Variants in SZT2 observed in about 807,000 individuals in gnomAD.
The protein encoded by SZT2 is KICSTOR complex protein SZT2.
In SZT2, 216 loss-of-function variants were observed where a neutral mutation model predicts 404.2. The ratio of observed to expected loss-of-function variants is 0.53; its 90% confidence interval spans 0.48 to 0.60. The LOEUF is 0.60. Among genes scored for constraint, SZT2 ranks in the 20% least tolerant of loss-of-function variants. The pLI is 0.00. For synonymous variants in SZT2, 1,693 were observed against 1,749.9 expected, an observed-to-expected ratio of 0.97 and a Z score of 0.81; for missense variants, 3,857 against 4,459.2, an observed-to-expected ratio of 0.86 and a Z score of 3.85.
At chr1:43,436,836 T>TA in intron 42 of SZT2, 1 of 327,102 alleles carries the variant, frequency 3.1e-6, no homozygotes, top group East Asian at 6.1e-5. Flanking sequence ...GACATAGTGT[T>TA]AGAGTGCTAC....
At chr1:43,429,497 A>T in intron 28 of SZT2, 1 of 586,678 alleles carries the variant, frequency 1.7e-6, no homozygotes. Flanking sequence ...CCCAAAAAAA[A>T]GGAAAGAAAA....
rs1648813579 is a variant in SZT2, at chr1:43,394,895, A to G, written c.27+4900A>G. Among the ~76,000 whole-genome samples, 3 of 151,862 alleles carry G rather than the reference A, an allele frequency of 2.0e-5. No homozygotes were observed. In the South Asian group the frequency reaches 6.2e-4, roughly 32 times the overall value. On this transcript the variant is annotated intron_variant, in intron 1 of 71. Coordinates refer to ENST00000634258, the MANE Select transcript of SZT2 (RefSeq NM_001365999.1). ...ACTCCATCTCAAAAAAAAAAAAAAG[A>G]AAAGAAAAAGAAAATATAGTTGTTG...
intron 6 of SZT2, 39 bp downstream of exon 6, chr1:43,416,140 G>T (rs1395571873): frequency 1.3e-6 from 2 of 1,589,662 alleles, no homozygotes; most frequent in African/African-American, 2.7e-5. Flanking sequence ...GGGAAGCAGG[G>T]ATACAGGAAG....
intron 37 of SZT2, 22 bp downstream of exon 37, chr1:43,432,461 A>AG: frequency 5.3e-6 from 8 of 1,501,454 alleles, no homozygotes; most frequent in Non-Finnish European, 7.2e-6. Context: ...CTGGGAATGG[A>AG]GGGGGGTGGT....
At position 43,452,664 on chromosome 1, in the gene SZT2, G is replaced by A. The variant is rs1175480551; in HGVS notation, c.*2184G>A. 6.6e-6 allele frequency: 4 copies of A among 601,632 alleles called. No homozygotes were observed. The highest frequency in any genetic ancestry group is 4.4e-4 in the Middle Eastern group (1 of 2,292). The allele number at this position is 601,632 out of a possible 1,614,324, so 37.3% of individuals were successfully genotyped here. A position where few individuals can be genotyped will look rare whatever the true frequency, so the allele number is the denominator to read the frequency against. On this transcript the variant is annotated 3_prime_UTR_variant, in exon 72 of 72. Transcript: ENST00000634258. ...CCCTTCTCAGGTATTCCATGCTGCT[G>A]TCTCTACTTCCTCTCCTCGCATCTA...
In SZT2 at chr1:43,416,671, A is replaced by T. The variant is rs770464311; in HGVS notation, c.879+30A>T. 3.9e-6 allele frequency: 6 copies of T among 1,535,910 alleles called. No homozygotes were observed. In the East Asian group the frequency reaches 1.4e-4, roughly 35 times the overall value. On this transcript the variant is annotated intron_variant, in intron 7 of 71. Transcript: ENST00000634258. ...GGACTTTTTAGGAAGGACGAGAGAG[A>T]TATGGAATATCTCACACAAAGTTGG...
rs1472680120 is a variant in SZT2 at position 43,450,174 on chromosome 1, A to G, written c.10155+3A>G. On this transcript the variant is annotated splice_donor_region_variant and intron_variant, in intron 71 of 71. Transcript: ENST00000634258. This position sits in a 1 kb window ranked among gnomAD's most constrained non-coding sequence, Gnocchi z 4.3. ...TGGACTCCCACTTAGGAAAGACGGTAAGAACGAGTGGGGGGCTTTGTGTCA... is the reference window on the plus strand; with the variant it reads ...TGGACTCCCACTTAGGAAAGACGGTGAGAACGAGTGGGGGGCTTTGTGTCA... The G allele has an allele frequency of 2.5e-6, 4 of 1,613,984 alleles. No homozygotes were observed. The highest frequency in any genetic ancestry group is 1.3e-5 in the African/African-American group (1 of 74,900).
chr1:43,425,620 C>A lies in SZT2; in HGVS notation c.2792C>A (p.Thr931Lys). ...PGIWKHLQDLTYSEIPQALHP... is the reference protein window; with the variant it reads ...PGIWKHLQDLKYSEIPQALHP... The stretch of plus-strand genomic sequence containing the variant: ...ATCTGGAAGCACCTCCAGGACCTGA[C>A]GTATTCTGAGATCCCGCAAGCTGTG... Residue 931 changes from threonine (T) to lysine (K), a missense_variant, in exon 19 of 72, where the codon ACG (threonine) becomes AAG (lysine). Physicochemically the swap from Thr to Lys is moderately conservative, Grantham distance 78. Transcript: ENST00000634258. This position sits in a 1 kb window ranked among gnomAD's most constrained non-coding sequence, Gnocchi z 4.3. The A allele has an allele frequency of 6.2e-7, 1 of 1,614,088 alleles. No homozygotes were observed.
intron 13 of SZT2, 23 bp downstream of exon 13, chr1:43,422,655 A>ACCCCTC: frequency 9.1e-7 from 1 of 1,095,024 alleles, no homozygotes; most frequent in Non-Finnish European, 1.2e-6. Context: ...ATGTCCCTTC[A>ACCCCTC]CCCCCCGCCC....
At position 43,454,061 on chromosome 1, in the gene SZT2, G is replaced by A; in HGVS notation, c.*3581G>A. On this transcript the variant is annotated 3_prime_UTR_variant, in exon 72 of 72. Transcript: ENST00000634258. ...GACCCGCGCCTGGAGAAGGTAGGGA[G>A]GCCGAGCTCCAGGGCCTGAGAGCCG... 8.8e-7 allele frequency: 1 copy of A among 1,131,636 alleles called. No individual in the cohort carries two copies. The highest frequency in any genetic ancestry group is 4.4e-5 in the South Asian group (1 of 22,666). The allele number at this position is 1,131,636 out of a possible 1,614,324, so 70.1% of individuals were successfully genotyped here. A position where few individuals can be genotyped will look rare whatever the true frequency, so the allele number is the denominator to read the frequency against.
chr1:43,413,586 T>C (rs1412281837), intron 4 of SZT2, among the ~76,000 whole-genome samples: 1 of 151,978 alleles, frequency 6.6e-6, no homozygotes, highest in Non-Finnish European at 1.5e-5. Flanking sequence ...ATAAAGAAAA[T>C]GTGGTACATA....
chr1:43,413,440 C>T lies in SZT2; in HGVS notation c.499-1642C>T, dbSNP rs1427596689. 2.6e-5 allele frequency among the ~76,000 whole-genome samples: 4 copies of T among 152,082 alleles called. No individual in the cohort carries two copies. In the East Asian group the frequency reaches 7.7e-4, roughly 29 times the overall value. ...AGAGCTACCATATGATCTAGCAATC[C>T]TCCCTCCTAGGTGTATACCCAAAAG... On this transcript the variant is annotated intron_variant, in intron 4 of 71. Transcript: ENST00000634258.
chr1:43,394,289 A>C (rs763916171), intron 1 of SZT2, among the ~76,000 whole-genome samples: 1 of 149,358 alleles, frequency 6.7e-6, no homozygotes, highest in Non-Finnish European at 1.5e-5. Flanking sequence ...GCTCACTGCA[A>C]CCTCCACCTC....
In SZT2 at chr1:43,453,701, G is replaced by A. The variant is rs748650584; in HGVS notation, c.*3221G>A. 100 of 1,421,496 alleles carry A rather than the reference G, an allele frequency of 7.0e-5. No individual in the cohort carries two copies. Among genetic ancestry groups the A allele is most frequent in the Non-Finnish European group, 7.3e-5 (80 of 1,097,636 alleles). 88.1% of individuals were successfully genotyped at this position (1,421,496 alleles called of 1,614,324 possible). The stretch of plus-strand genomic sequence containing the variant: ...GCCAGGCCACCTCGACGGCCTCGAA[G>A]CCCGAGCTGCCCGCGGCCCGCACCC... On this transcript the variant is annotated 3_prime_UTR_variant, in exon 72 of 72. Coordinates refer to ENST00000634258, the MANE Select transcript of SZT2 (RefSeq NM_001365999.1).
At position 43,389,905 on chromosome 1, in the gene SZT2, G is replaced by C. The variant is rs1648049775; in HGVS notation, c.-64G>C. On this transcript the variant is annotated 5_prime_UTR_variant, in exon 1 of 72. Transcript: ENST00000634258. ...CCGGTTCCTGCTGGGTGCCGAGGTA[G>C]CGAGGTCAGGGGTCAAGAGTGGAAC... 6.4e-7 allele frequency: 1 copy of C among 1,565,024 alleles called. No individual in the cohort carries two copies. Among genetic ancestry groups the C allele is most frequent in the Admixed American group, 1.8e-5 (1 of 55,882 alleles).
At position 43,426,963 on chromosome 1, in the gene SZT2, A is replaced by G. The variant is rs372004812; in HGVS notation, c.3310-93A>G. On this transcript the variant is annotated intron_variant, in intron 23 of 71. Transcript: ENST00000634258. The surrounding 1 kb of genome is among the most constrained non-coding windows in gnomAD (Gnocchi z 4.9). ...TCCATTGTCCTGGATCTTTCAAGCT[A>G]TACCTAAGATGAGTCAGCTCTAGGG... is the stretch of plus-strand genomic sequence containing the variant. 35 of 1,578,032 alleles carry G rather than the reference A, an allele frequency of 2.2e-5. No homozygotes were observed. The Middle Eastern group carries it at 5.1e-4, about 23-fold the overall frequency.
In SZT2 at chr1:43,450,394, C is replaced by A. The variant is rs1249229242; in HGVS notation, c.10213C>A (p.Pro3405Thr). The A allele has an allele frequency of 9.3e-6, 15 of 1,614,116 alleles. No individual in the cohort carries two copies. Among genetic ancestry groups the A allele is most frequent in the Non-Finnish European group, 1.3e-5 (15 of 1,180,002 alleles). The change falls in exon 72 of 72, where the codon CCC becomes ACC. Residue 3405 changes from proline (P) to threonine (T), a missense_variant. Pro to Thr is a conservative substitution (Grantham distance 38, BLOSUM62 -1). Coordinates refer to ENST00000634258, the MANE Select transcript of SZT2 (RefSeq NM_001365999.1). The surrounding 1 kb of genome is among the most constrained non-coding windows in gnomAD (Gnocchi z 4.3). ...AGTACAGCCCCAGGACAGCGAGAGC[C>A]CCCCTGCCCAACTGGTCTCCACCTA... ...FPVQPQDSESPPAQLVSTYHH... is the reference protein window; with the variant it reads ...FPVQPQDSESTPAQLVSTYHH...
rs781081083 is a variant in SZT2 at position 43,425,670 on chromosome 1, CCT to C, written c.2814+34_2814+35del. ...GAGTGTCCTCAGAACAGTACCCGCA[CCT>C]CTCTCACTGGATTGGGGTGCCATCT... On this transcript the variant is annotated intron_variant, in intron 19 of 71. Coordinates refer to ENST00000634258, the MANE Select transcript of SZT2 (RefSeq NM_001365999.1). The surrounding 1 kb of genome is among the most constrained non-coding windows in gnomAD (Gnocchi z 4.3). 38 of 1,611,306 alleles carry C rather than the reference CCT, an allele frequency of 2.4e-5. No individual in the cohort carries two copies. In the Admixed American group the frequency reaches 6.0e-4, roughly 25 times the overall value.
rs1655993587 is a variant in SZT2, at chr1:43,448,662, T to C, written c.10020T>C (p.Val3340=). The change falls in exon 70 of 72, where the codon GTT becomes GTC. Residue 3340 remains valine, a synonymous_variant. Coordinates refer to ENST00000634258, the MANE Select transcript of SZT2 (RefSeq NM_001365999.1). The surrounding 1 kb of genome is among the most constrained non-coding windows in gnomAD (Gnocchi z 4.2). The part of the protein sequence containing the change: ...TVSWYQSLIK[V]LLSRFPQSCR... ...CCTGGTACCAGAGCCTGATCAAAGT[T>C]CTCCTAAGCCGCTTCCCCCAGAGCT... is the stretch of plus-strand genomic sequence containing the variant. 1 of 1,613,926 alleles carries C rather than the reference T, an allele frequency of 6.2e-7. No individual in the cohort carries two copies. The highest frequency in any genetic ancestry group is 8.5e-7 in the Non-Finnish European group (1 of 1,180,018).
Sources: allele counts gnomAD v4.1 joint callset (sites outside exome capture counted in the v4.1 genomes callset), GRCh38; gene constraint gnomAD v4.1.1; non-coding constraint Gnocchi (gnomAD v3.1); transcripts MANE v1.5; gene names NCBI Gene and HGNC (gene_info 2026-07-23, HGNC 2026-07-21).